The following YWHAZ variants were observed in gnomAD, a reference collection of about 807,000 sequenced individuals.
The protein encoded by YWHAZ is tyrosine 3-monooxygenase/tryptophan 5-monooxygenase activation protein zeta.
For synonymous variants in YWHAZ, 87 were observed against 103.6 expected, an observed-to-expected ratio of 0.84 and a Z score of 0.97; for missense variants, 79 against 284.8, an observed-to-expected ratio of 0.28 and a Z score of 5.20.
At position 100,917,482 on chromosome 8, in the gene YWHAZ, G is replaced by T; in HGVS notation, c.*3211C>A. 1 of 152,412 alleles carries T rather than the reference G, an allele frequency of 6.6e-6. No individual in the cohort carries two copies. Among genetic ancestry groups the T allele is most frequent in the Non-Finnish European group, 1.5e-5 (1 of 68,108 alleles). The allele number at this position is 152,412 out of a possible 1,614,324, so 9.4% of individuals were successfully genotyped here. A position where few individuals can be genotyped will look rare whatever the true frequency, so the allele number is the denominator to read the frequency against. The stretch of plus-strand genomic sequence containing the variant: ...CGCCTGTAATCCCAGCACTTTGGGA[G>T]GCCGAGGTGGGCGGATCACAAGGTC... On this transcript the variant is annotated 3_prime_UTR_variant, in exon 6 of 6. Transcript: ENST00000395958.
intron 2 of YWHAZ, among the ~76,000 whole-genome samples, chr8:100,934,157 C>CAGAA: frequency 1.3e-5 from 1 of 78,204 alleles, no homozygotes; most frequent in East Asian, 4.2e-4. Context: ...AGACTCGTCT[C>CAGAA]AAAAAAAAAA....
At chr8:100,943,671 A>AAAAACTG (rs1424127039) in intron 2 of YWHAZ, among the ~76,000 whole-genome samples, 1 of 152,206 alleles carries the variant, frequency 6.6e-6, no homozygotes, top group African/African-American at 2.4e-5. Context: ...TTACATTAAA[A>AAAAACTG]AAAACTGAAC....
Position 100,948,650 on chromosome 8 carries a change from T to C in YWHAZ, c.240A>G (p.Arg80=), listed in dbSNP as rs751989392. The C allele has an allele frequency of 9.3e-6, 15 of 1,609,684 alleles. No homozygotes were observed. The highest frequency in any genetic ancestry group is 1.3e-5 in the Non-Finnish European group (15 of 1,179,876). The change falls in exon 2 of 6, where the codon CGA becomes CGG. Residue 80 remains arginine, a synonymous_variant. Coordinates refer to ENST00000395958, the MANE Select transcript of YWHAZ (RefSeq NM_145690.3). This position sits in a 1 kb window ranked among gnomAD's most constrained non-coding sequence, Gnocchi z 4.2. ...EGAEKKQQMA[R]EYREKIETEL... ...CCGTCTCAATTTTCTCTCTGTATTC[T>C]CGAGCCATCTGCTGTTTTTTCTCAG...
At chr8:100,927,082 G>A (rs1273600721) in intron 2 of YWHAZ, among the ~76,000 whole-genome samples, 1 of 152,126 alleles carries the variant, frequency 6.6e-6, no homozygotes, top group Non-Finnish European at 1.5e-5. Flanking sequence ...AAAAAATACA[G>A]GTAAGCACTT....
intron 2 of YWHAZ, among the ~76,000 whole-genome samples, chr8:100,941,543 G>T (rs184835179): frequency 2.0e-3 from 304 of 152,290 alleles, no homozygotes; most frequent in African/African-American, 6.7e-3. Flanking sequence ...CCAGCACTTT[G>T]GGAGGCCGGG....
chr8:100,933,175 A>T (rs1032088191), intron 2 of YWHAZ, among the ~76,000 whole-genome samples: 1 of 152,128 alleles, frequency 6.6e-6, no homozygotes, highest in Non-Finnish European at 1.5e-5. Context: ...CCTGGCCAAG[A>T]TGGTGAAAGC....
intron 2 of YWHAZ, among the ~76,000 whole-genome samples, chr8:100,937,783 C>T (rs190983422): frequency 3.9e-5 from 6 of 151,976 alleles, no homozygotes; most frequent in Admixed American, 2.6e-4. Flanking sequence ...GTAACTGAGG[C>T]ATAAGAGCCC....
intron 2 of YWHAZ, among the ~76,000 whole-genome samples, chr8:100,942,122 G>A (rs1254949385): frequency 6.6e-6 from 1 of 152,178 alleles, no homozygotes; most frequent in Non-Finnish European, 1.5e-5. Context: ...GAGCTTACAT[G>A]CTGAAACTTT....
chr8:100,921,018 T>G (rs964131813), intron 5 of YWHAZ, among the ~76,000 whole-genome samples: 1 of 152,016 alleles, frequency 6.6e-6, no homozygotes, highest in African/African-American at 2.4e-5. Context: ...CCACAGAAGG[T>G]GAAGAGAAAT....
rs143560874 is a variant in YWHAZ at position 100,944,634 on chromosome 8, G to A, written c.294+3962C>T. ...CCCCACAAAAATACACAATTTTAAA[G>A]GCTTCTTCAATCTTCGAAATTCCAT... On this transcript the variant is annotated intron_variant, in intron 2 of 5. Coordinates refer to ENST00000395958, the MANE Select transcript of YWHAZ (RefSeq NM_145690.3). Among the ~76,000 whole-genome samples, 478 of 152,276 alleles carry A rather than the reference G, an allele frequency of 3.1e-3. 2 individuals are homozygous for A. Among genetic ancestry groups the A allele is most frequent in the Non-Finnish European group, 5.0e-3 (339 of 68,018 alleles).
In YWHAZ at chr8:100,948,938, C is replaced by T; in HGVS notation, c.-11-38G>A. 1.3e-6 allele frequency: 2 copies of T among 1,535,236 alleles called. No individual in the cohort carries two copies. The highest frequency in any genetic ancestry group is 1.2e-5 in the South Asian group (1 of 80,666). On this transcript the variant is annotated intron_variant, in intron 1 of 5. Transcript: ENST00000395958. This position sits in a 1 kb window ranked among gnomAD's most constrained non-coding sequence, Gnocchi z 4.2. ...AAAAAGGAGTATTTAAAATTTTTCC[C>T]ATCAAAATAAACAGACTCAAAATTA...
chr8:100,951,412 G>T, intron 1 of YWHAZ: 3 of 981,940 alleles, frequency 3.1e-6, no homozygotes, highest in Non-Finnish European at 3.6e-6. Context: ...GAGGGGGAGG[G>T]AAAGGAGGGG....
intron 2 of YWHAZ, among the ~76,000 whole-genome samples, chr8:100,927,483 T>G (rs1813444674): frequency 6.6e-6 from 1 of 152,160 alleles, no homozygotes; most frequent in African/African-American, 2.4e-5. Flanking sequence ...GTAATTGAAT[T>G]ATACCACTGT....
At position 100,948,319 on chromosome 8, in the gene YWHAZ, A is replaced by G. The variant is rs1250043218; in HGVS notation, c.294+277T>C. Among the ~76,000 whole-genome samples the G allele has an allele frequency of 3.3e-5, 5 of 152,228 alleles. No individual in the cohort carries two copies. Among genetic ancestry groups the G allele is most frequent in the Non-Finnish European group, 7.3e-5 (5 of 68,038 alleles). On this transcript the variant is annotated intron_variant, in intron 2 of 5. Coordinates refer to ENST00000395958, the MANE Select transcript of YWHAZ (RefSeq NM_145690.3). This position sits in a 1 kb window ranked among gnomAD's most constrained non-coding sequence, Gnocchi z 4.2. ...CTAACCATAAGTAAAACAGTAACAC[A>G]ATTAGTTTATATTTTCAATTAATAT...
At chr8:100,929,803 G>A (rs1813635423) in intron 2 of YWHAZ, among the ~76,000 whole-genome samples, 1 of 151,844 alleles carries the variant, frequency 6.6e-6, no homozygotes, top group Non-Finnish European at 1.5e-5. Context: ...CCCAATGTAG[G>A]AAGAATAGAA....
intron 2 of YWHAZ, among the ~76,000 whole-genome samples, chr8:100,945,523 T>C (rs960519348): frequency 1.3e-5 from 2 of 152,116 alleles, no homozygotes; most frequent in African/African-American, 4.8e-5. Flanking sequence ...AATATATATA[T>C]CAAAGCCCAG....
chr8:100,948,161 G>A lies in YWHAZ; in HGVS notation c.294+435C>T. Reference sequence around the variant, plus strand: ...GTTGACTCATTACATTAACATTATAGCGGCTAATCCTGAGAAGAGTACTAT... The same window carrying A: ...GTTGACTCATTACATTAACATTATAACGGCTAATCCTGAGAAGAGTACTAT... On this transcript the variant is annotated intron_variant, in intron 2 of 5. Coordinates refer to ENST00000395958, the MANE Select transcript of YWHAZ (RefSeq NM_145690.3). This position sits in a 1 kb window ranked among gnomAD's most constrained non-coding sequence, Gnocchi z 4.2. 6.5e-7 allele frequency: 1 copy of A among 1,532,066 alleles called. No homozygotes were observed. The highest frequency in any genetic ancestry group is 8.7e-7 in the Non-Finnish European group (1 of 1,145,422). The allele number at this position is 1,532,066 out of a possible 1,614,324, so 94.9% of individuals were successfully genotyped here.
At chr8:100,923,878 TAAAA>T (rs367978743) in intron 5 of YWHAZ, 73 bp downstream of exon 5, 5 of 1,026,000 alleles carry the variant, frequency 4.9e-6, no homozygotes, top group African/African-American at 1.7e-5. Flanking sequence ...ATGTATTTAA[TAAAA>T]AAAAAAATTC....
At chr8:100,947,402 T>G (rs1810379180) in intron 2 of YWHAZ, among the ~76,000 whole-genome samples, 1 of 152,220 alleles carries the variant, frequency 6.6e-6, no homozygotes, top group Non-Finnish European at 1.5e-5. Flanking sequence ...TCTAAAGGTT[T>G]CAATAAGCAA....
Sources: gnomAD v4.1 joint callset for allele counts (sites outside exome capture counted in the v4.1 genomes callset) on GRCh38, gnomAD v4.1.1 for gene constraint, Gnocchi (gnomAD v3.1) non-coding constraint, MANE v1.5 for transcripts, NCBI Gene and HGNC (gene_info 2026-07-23, HGNC 2026-07-21) for gene names.